ZC3H11A: variants seen among roughly 807,000 people sequenced by gnomAD.
The protein encoded by ZC3H11A is zinc finger CCCH domain-containing protein 11A.
ZC3H11A carries 22 observed loss-of-function variants against 90.8 expected under a neutral mutation model. The ratio of observed to expected loss-of-function variants is 0.24; its 90% CI spans 0.17 to 0.35. The LOEUF is 0.35. ZC3H11A is among the 10% of genes least tolerant of loss of function. The pLI is 1.00. For missense variants in ZC3H11A, 701 were observed against 964.9 expected (o/e 0.73, Z 3.62); for synonymous variants, 294 against 339.8 (o/e 0.87, Z 1.48).
intron 4 of ZC3H11A, among the ~76,000 whole-genome samples, chr1:203,825,615 T>A (rs543474714): frequency 2.3e-4 from 35 of 152,162 alleles, no homozygotes; most frequent in Non-Finnish European, 1.5e-4. Context: ...TTGTATTTTT[T>A]AGTAGAGACG....
In ZC3H11A at chr1:203,848,323, G is replaced by C. The variant is rs370603761; in HGVS notation, c.1547-8G>C. ...AAATAACTAATGATGTCTTTAATGT[G>C]AATACAGGGATGAAAGAAGAGAAGA... On this transcript the variant is annotated splice_polypyrimidine_tract_variant and splice_region_variant and intron_variant, in intron 13 of 17. Transcript: ENST00000367210. 1.7e-5 allele frequency: 27 copies of C among 1,609,640 alleles called. No homozygotes were observed. In the African/African-American group the frequency reaches 3.3e-4, roughly 20 times the overall value.
At chr1:203,798,271 A>G in intron 1 of ZC3H11A, 2 of 1,536,172 alleles carry the variant, frequency 1.3e-6, no homozygotes, top group Non-Finnish European at 1.7e-6. Context: ...TTTCTCATCA[A>G]AAGTAACATT....
chr1:203,850,620 C>A lies in ZC3H11A; in HGVS notation c.2045C>A (p.Ala682Asp), dbSNP rs887794553. ...GAGATGCACGCTGCTGTCATTGCCG[C>A]TGTGAAGCCACTCAGCTCCAGCAGT... ...AVEMHAAVIA[A>D]VKPLSSSSVL... The change falls in exon 16 of 18, where the codon GCT (alanine) becomes GAT (aspartate). Residue 682 changes from alanine to aspartate, a missense_variant. Physicochemically the swap from Ala to Asp is moderately radical, Grantham distance 126. Around this residue, in one of 4 missense-constraint regions of ZC3H11A, gnomAD observed 530 missense variants for 696.2 expected, o/e 0.76. Transcript: ENST00000367210. The A allele has an allele frequency of 1.2e-6, 2 of 1,614,140 alleles. No individual in the cohort carries two copies. The highest frequency in any genetic ancestry group is 1.7e-6 in the Non-Finnish European group (2 of 1,180,020).
chr1:203,837,814 A>G (rs1408410773), intron 10 of ZC3H11A, 152 bp from the exon 11 acceptor site: 3 of 706,996 alleles, frequency 4.2e-6, no homozygotes, highest in Non-Finnish European at 7.0e-6. Flanking sequence ...TTATGTTTCT[A>G]ACATTGAACT....
rs369606172 is a variant in ZC3H11A at position 203,850,510 on chromosome 1, T to C, written c.1940-5T>C. The C allele has an allele frequency of 1.2e-6, 2 of 1,613,882 alleles. No homozygotes were observed. The highest frequency in any genetic ancestry group is 2.7e-5 in the African/African-American group (2 of 74,930). On this transcript the variant is annotated splice_region_variant and splice_polypyrimidine_tract_variant and intron_variant, in intron 15 of 17. Coordinates refer to ENST00000367210, the MANE Select transcript of ZC3H11A (RefSeq NM_001376342.1). ...TGCTTATCAGATATTTTCTGCCCTT[T>C]GTAGCTAAACCCAAAGTGAACGTGA...
chr1:203,840,640 T>TTTA (rs1558136097), intron 12 of ZC3H11A, among the ~76,000 whole-genome samples: 4 of 141,316 alleles, frequency 2.8e-5, no homozygotes, highest in South Asian at 4.7e-4. Context: ...TTATTTATTT[T>TTTA]ATTTATTTTT....
At chr1:203,810,058 T>C (rs1673830099) in intron 2 of ZC3H11A, among the ~76,000 whole-genome samples, 1 of 151,266 alleles carries the variant, frequency 6.6e-6, no homozygotes, top group South Asian at 2.1e-4. Context: ...TGCATCTTTG[T>C]TTTGTGTTTT....
At chr1:203,850,393 T>C (rs1260289695) in intron 15 of ZC3H11A, 122 bp from the exon 16 acceptor site, 12 of 1,450,208 alleles carry the variant, frequency 8.3e-6, no homozygotes, top group Middle Eastern at 1.7e-4. Context: ...TTCAGTCTCT[T>C]TTTAAATGAA....
chr1:203,812,861 T>A (rs1430998305), intron 2 of ZC3H11A, among the ~76,000 whole-genome samples: 2 of 152,090 alleles, frequency 1.3e-5, no homozygotes, highest in African/African-American at 4.8e-5. Context: ...GGATTACAAG[T>A]GTGAGCCACT....
chr1:203,816,567 G>A (rs1176917702), intron 2 of ZC3H11A, among the ~76,000 whole-genome samples: 1 of 152,142 alleles, frequency 6.6e-6, no homozygotes, highest in Non-Finnish European at 1.5e-5. Flanking sequence ...GGAGTTCAGT[G>A]TTGCTGTGAG....
intron 15 of ZC3H11A, 200 bp from the exon 16 acceptor site, chr1:203,850,315 G>A: frequency 1.4e-6 from 1 of 722,788 alleles, no homozygotes; most frequent in Non-Finnish European, 2.3e-6. Flanking sequence ...AAATTTAAGT[G>A]GTATTGTATC....
At position 203,852,253 on chromosome 1, in the gene ZC3H11A, G is replaced by A; in HGVS notation, c.2287G>A (p.Gly763Arg). The change falls in exon 18 of 18, where the codon GGA (glycine) becomes AGA (arginine). Residue 763 changes from glycine to arginine, a missense_variant. Coordinates refer to ENST00000367210, the MANE Select transcript of ZC3H11A (RefSeq NM_001376342.1). ...KTRRLSSAST[G>R]KPPLSVEDDF... ...TCGCCGACTCAGCTCTGCCTCAACA[G>A]GAAAGCCCCCACTCTCTGTGGAGGA... 6.2e-7 allele frequency: 1 copy of A among 1,613,528 alleles called. No homozygotes were observed. The highest frequency in any genetic ancestry group is 8.5e-7 in the Non-Finnish European group (1 of 1,179,802).
intron 8 of ZC3H11A, 60 bp downstream of exon 8, chr1:203,830,263 G>A (rs777643522): frequency 2.4e-5 from 32 of 1,319,460 alleles, no homozygotes; most frequent in Middle Eastern, 1.9e-4. Flanking sequence ...TACTAAGGAC[G>A]CTTCTAGAAG....
chr1:203,823,999 T>C (rs1679647292), intron 4 of ZC3H11A, among the ~76,000 whole-genome samples: 1 of 152,164 alleles, frequency 6.6e-6, no homozygotes, highest in South Asian at 2.1e-4. Flanking sequence ...CCGGGCGCCG[T>C]GGCTCATGCC....
At chr1:203,848,457 A>G in intron 14 of ZC3H11A, 50 bp downstream of exon 14, 2 of 1,426,152 alleles carry the variant, frequency 1.4e-6, no homozygotes, top group African/African-American at 1.4e-5. Context: ...CAAAGGCTAG[A>G]TAATTGGTAG....
At chr1:203,809,071 C>G (rs1673366841) in intron 2 of ZC3H11A, among the ~76,000 whole-genome samples, 2 of 151,962 alleles carry the variant, frequency 1.3e-5, no homozygotes, top group Non-Finnish European at 2.9e-5. Context: ...CTCAGGTGAT[C>G]CACCTGTCTC....
intron 10 of ZC3H11A, among the ~76,000 whole-genome samples, chr1:203,835,247 A>T (rs1683908443): frequency 6.6e-6 from 1 of 152,222 alleles, no homozygotes; most frequent in South Asian, 2.1e-4. Flanking sequence ...ATCAAAGAAC[A>T]TTATGTAAAT....
chr1:203,800,378 C>A, intron 1 of ZC3H11A: 1 of 991,774 alleles, frequency 1.0e-6, no homozygotes, highest in Non-Finnish European at 1.5e-6. Context: ...AAAATGTTAA[C>A]TACGATTATT....
intron 12 of ZC3H11A, among the ~76,000 whole-genome samples, chr1:203,843,150 T>C (rs930561235): frequency 6.6e-6 from 1 of 152,212 alleles, no homozygotes; most frequent in African/African-American, 2.4e-5. Context: ...TTCTAGGGTT[T>C]TATCTCTCCC....
Sources: gnomAD v4.1 joint callset for allele counts (sites outside exome capture counted in the v4.1 genomes callset) on GRCh38, gnomAD v4.1.1 for gene constraint, gnomAD v4.1.1 regional missense constraint, MANE v1.5 for transcripts, NCBI Gene and HGNC (gene_info 2026-07-23, HGNC 2026-07-21) for gene names.